Variants in MAP2K1 observed in about 807,000 individuals in gnomAD.
MAP2K1 encodes the protein mitogen-activated protein kinase kinase 1.
MAP2K1 carries 16 observed loss-of-function variants against 46.3 expected under a neutral mutation model. The ratio of observed to expected loss-of-function variants is 0.35; its 90% confidence interval spans 0.23 to 0.52. MAP2K1 has a LOEUF of 0.52. Among genes scored for constraint, MAP2K1 ranks in the 20% least tolerant of loss-of-function variants. MAP2K1 has a pLI of 0.94. For synonymous variants in MAP2K1, 183 were observed against 185.6 expected, an observed-to-expected ratio of 0.99 and a Z score of 0.11; for missense variants, 263 against 497.1, an observed-to-expected ratio of 0.53 and a Z score of 4.48.
chr15:66,459,685 C>T (rs751724578), intron 5 of MAP2K1, among the ~76,000 whole-genome samples: 9 of 151,952 alleles, frequency 5.9e-5, no homozygotes, highest in Non-Finnish European at 1.0e-4. Context: ...AAGTGTCTCA[C>T]GGTGTCCCAG....
intron 1 of MAP2K1, among the ~76,000 whole-genome samples, chr15:66,426,358 G>T: frequency 3.4e-5 from 1 of 29,254 alleles, no homozygotes; most frequent in South Asian, 1.1e-3. Context: ...TCATCAAGAA[G>T]ACAAAAAAAA....
chr15:66,458,592 C>G (rs1267847511), intron 5 of MAP2K1, among the ~76,000 whole-genome samples: 2 of 152,240 alleles, frequency 1.3e-5, no homozygotes, highest in South Asian at 2.1e-4. Flanking sequence ...TCATGGCTCA[C>G]TGCATCCTCA....
At chr15:66,488,814 C>G (rs1035233453) in intron 8 of MAP2K1, 5 of 241,620 alleles carry the variant, frequency 2.1e-5, no homozygotes, top group Non-Finnish European at 1.6e-5. Context: ...TTGCTGGTTA[C>G]GTTCCCATGC....
chr15:66,419,631 T>A (rs914097128), intron 1 of MAP2K1, among the ~76,000 whole-genome samples: 1 of 152,154 alleles, frequency 6.6e-6, no homozygotes, highest in South Asian at 2.1e-4. Flanking sequence ...ACCCCCTGTC[T>A]GATTCAGGAT....
chr15:66,489,964 T>C (rs1893190288), intron 10 of MAP2K1: 1 of 644,266 alleles, frequency 1.6e-6, no homozygotes, highest in Non-Finnish European at 2.8e-6. Context: ...CCCCGCAGCC[T>C]GAGTAAGCAT....
chr15:66,435,291 G>T, intron 2 of MAP2K1, 54 bp downstream of exon 2: 1 of 1,393,920 alleles, frequency 7.2e-7, no homozygotes, highest in Non-Finnish European at 1.0e-6. Context: ...GTACTTAGAA[G>T]CCTGGGGACC....
intron 5 of MAP2K1, 113 bp from the exon 6 acceptor site, chr15:66,481,642 G>C: frequency 8.1e-7 from 1 of 1,228,450 alleles, no homozygotes; most frequent in South Asian, 1.2e-5. Flanking sequence ...ATGGCGGACG[G>C]GGGTGTGGTC....
chr15:66,457,845 C>T (rs1892209171), intron 5 of MAP2K1, among the ~76,000 whole-genome samples: 1 of 151,936 alleles, frequency 6.6e-6, no homozygotes, highest in Non-Finnish European at 1.5e-5. Flanking sequence ...CGCCTGTAAT[C>T]CCAGCTACTC....
At chr15:66,400,909 A>C (rs1318440159) in intron 1 of MAP2K1, among the ~76,000 whole-genome samples, 1 of 152,190 alleles carries the variant, frequency 6.6e-6, no homozygotes, top group African/African-American at 2.4e-5. Context: ...CCCTTTGAAT[A>C]GTTGCCTGCT....
intron 1 of MAP2K1, among the ~76,000 whole-genome samples, chr15:66,389,195 CG>C (rs1192386929): frequency 1.3e-5 from 2 of 152,226 alleles, no homozygotes; most frequent in Non-Finnish European, 2.9e-5. Context: ...CATGAGCCAC[CG>C]TGCCCAGCCC....
Position 66,485,089 on chromosome 15 carries a change from C to T in MAP2K1, c.793C>T (p.Pro265Ser), listed in dbSNP as rs1567025858. The T allele has an allele frequency of 5.0e-6, 8 of 1,613,980 alleles. No homozygotes were observed. The highest frequency in any genetic ancestry group is 6.8e-6 in the Non-Finnish European group (8 of 1,180,008). ...GGCGGTTGGGAGGTATCCCATCCCTCCTCCAGATGCCAAGGAGCTGGAGCT... is the reference window on the plus strand; with the variant it reads ...GGCGGTTGGGAGGTATCCCATCCCTTCTCCAGATGCCAAGGAGCTGGAGCT... ...EMAVGRYPIPPPDAKELELMF... is the reference protein window; with the variant it reads ...EMAVGRYPIPSPDAKELELMF... The change falls in exon 7 of 11, where the codon CCT becomes TCT. Residue 265 changes from proline to serine, a missense_variant. Physicochemically the swap from Pro to Ser is moderately conservative, Grantham distance 74. This residue lies in a region of MAP2K1 where 118 missense variants were observed against 193.0 expected (regional missense o/e 0.61). Coordinates refer to ENST00000307102, the MANE Select transcript of MAP2K1 (RefSeq NM_002755.4).
At chr15:66,410,238 C>G (rs1485555304) in intron 1 of MAP2K1, among the ~76,000 whole-genome samples, 1 of 152,158 alleles carries the variant, frequency 6.6e-6, no homozygotes, top group Non-Finnish European at 1.5e-5. Flanking sequence ...AAAGTGAATA[C>G]TTGTTCATTG....
intron 1 of MAP2K1, among the ~76,000 whole-genome samples, chr15:66,406,527 A>G (rs1566997950): frequency 6.6e-6 from 1 of 152,240 alleles, no homozygotes; most frequent in Non-Finnish European, 1.5e-5. Context: ...TGATTTCGGT[A>G]TAACTAACAG....
At position 66,398,490 on chromosome 15, in the gene MAP2K1, C is replaced by G. The variant is rs35609121; in HGVS notation, c.80+11063C>G. ...TAGGAGACTAAGGAGACATACAGAT[C>G]AAATGTACTGCATGGGTTGGGCATG... On this transcript the variant is annotated intron_variant, in intron 1 of 10. Transcript: ENST00000307102. Among the ~76,000 whole-genome samples, 536 of 150,288 alleles carry G rather than the reference C, an allele frequency of 3.6e-3. 4 individuals are homozygous for G. Among genetic ancestry groups the G allele is most frequent in the Non-Finnish European group, 6.4e-3 (430 of 67,480 alleles).
In MAP2K1 at chr15:66,485,893, T is replaced by G. The variant is rs192249691; in HGVS notation, c.895+702T>G. Among the ~76,000 whole-genome samples, 1,203 of 151,792 alleles carry G rather than the reference T, an allele frequency of 7.9e-3. 6 individuals are homozygous for G. Among genetic ancestry groups the G allele is most frequent in the Non-Finnish European group, 9.2e-3 (624 of 67,900 alleles). ...CCATGACTGGCTTCTAATTTGTGGG[T>G]TTTTTTTGTTTTGTTTTGTTTTTGA... On this transcript the variant is annotated intron_variant, in intron 7 of 10. Transcript: ENST00000307102.
intron 5 of MAP2K1, among the ~76,000 whole-genome samples, chr15:66,454,825 A>G (rs962951833): frequency 2.0e-5 from 3 of 151,914 alleles, no homozygotes; most frequent in Non-Finnish European, 2.9e-5. Context: ...GGAGGTTGCA[A>G]TGAGCCGAGA....
chr15:66,408,199 C>A (rs2093402502), intron 1 of MAP2K1, among the ~76,000 whole-genome samples: 1 of 152,182 alleles, frequency 6.6e-6, no homozygotes, highest in Non-Finnish European at 1.5e-5. Flanking sequence ...GTGCAGGTTG[C>A]CTTACTTTCT....
At chr15:66,390,720 G>A (rs2093354362) in intron 1 of MAP2K1, among the ~76,000 whole-genome samples, 1 of 152,146 alleles carries the variant, frequency 6.6e-6, no homozygotes, top group South Asian at 2.1e-4. Flanking sequence ...TGGTTCTATT[G>A]CAGTTACACA....
chr15:66,455,479 G>C (rs988016893), intron 5 of MAP2K1, among the ~76,000 whole-genome samples: 1 of 152,228 alleles, frequency 6.6e-6, no homozygotes, highest in Non-Finnish European at 1.5e-5. Context: ...CCTGCACTTA[G>C]GAATTTTTAA....
Sources: allele counts gnomAD v4.1 joint callset (sites outside exome capture counted in the v4.1 genomes callset), GRCh38; gene constraint gnomAD v4.1.1; regional missense constraint gnomAD v4.1.1; transcripts MANE v1.5; gene names NCBI Gene and HGNC (gene_info 2026-07-23, HGNC 2026-07-21).